SASH1: variants seen among roughly 807,000 people sequenced by gnomAD.
The protein encoded by SASH1 is SAM and SH3 domain containing 1.
SASH1 carries 44 observed loss-of-function variants against 125.2 expected under a neutral mutation model. The ratio of observed to expected loss-of-function variants is 0.35; its 90% CI spans 0.28 to 0.45. The LOEUF is 0.45. Among genes scored for constraint, SASH1 ranks in the 20% least tolerant of loss-of-function variants. The pLI, the probability that SASH1 is intolerant of heterozygous loss-of-function variation, is 1.00. For synonymous variants in SASH1, 639 were observed against 649.1 expected (o/e 0.98, Z 0.24); for missense variants, 1,426 against 1,614.5 (o/e 0.88, Z 2.00).
chr6:148,524,121 A>ATATATATATTTT (rs1193506716), intron 10 of SASH1, among the ~76,000 whole-genome samples: 39 of 128,588 alleles, frequency 3.0e-4, no homozygotes, highest in Admixed American at 6.3e-4. Context: ...ATATATATAT[A>ATATATATATTTT]TTTTTTTTAA....
At chr6:148,292,122 A>G (rs1779651307) in intron 1 of SASH1, among the ~76,000 whole-genome samples, 1 of 152,218 alleles carries the variant, frequency 6.6e-6, no homozygotes, top group South Asian at 2.1e-4. Context: ...TTTCAGGGTT[A>G]CTTGAGATTA....
intron 1 of SASH1, among the ~76,000 whole-genome samples, chr6:148,311,274 T>G (rs1179739464): frequency 6.6e-6 from 1 of 151,764 alleles, no homozygotes; most frequent in African/African-American, 2.4e-5. Context: ...GCCCAGCTAA[T>G]TTTTTTATTT....
chr6:148,311,315 C>G (rs1780324167), intron 1 of SASH1, among the ~76,000 whole-genome samples: 1 of 151,668 alleles, frequency 6.6e-6, no homozygotes, highest in Admixed American at 6.6e-5. Context: ...CCATGTTGGC[C>G]AGGCTCATCT....
intron 1 of SASH1, among the ~76,000 whole-genome samples, chr6:148,368,630 C>G (rs139563211): frequency 8.7e-4 from 132 of 152,266 alleles, no homozygotes; most frequent in African/African-American, 3.0e-3. Flanking sequence ...CTTTGATGTC[C>G]TCATTGGTGT....
chr6:148,407,852 CA>C (rs1373932453), intron 2 of SASH1, among the ~76,000 whole-genome samples: 1 of 151,982 alleles, frequency 6.6e-6, no homozygotes, highest in African/African-American at 2.4e-5. Flanking sequence ...AGGCTGGTCT[CA>C]AACTCCTGAC....
At position 148,363,919 on chromosome 6, in the gene SASH1, GACA is replaced by G. The variant is rs200465096; in HGVS notation, c.156+20697_156+20699del. Among the ~76,000 whole-genome samples, 1,259 of 152,142 alleles carry G rather than the reference GACA, an allele frequency of 8.3e-3. 17 individuals are homozygous for G. Among genetic ancestry groups the G allele is most frequent in the African/African-American group, 0.028 (1,167 of 41,486 alleles). ...TTTATTCCCTGTGGATTCTATAATG[GACA>G]TTTTAATTAAACTCTAATGGGACAT... On this transcript the variant is annotated intron_variant, in intron 1 of 19. Coordinates refer to ENST00000367467, the MANE Select transcript of SASH1 (RefSeq NM_015278.5).
At chr6:148,245,364 G>A in the SASH1 span, among the ~76,000 whole-genome samples, 6 of 152,316 alleles carry the variant, frequency 3.9e-5, no homozygotes, top group East Asian at 1.2e-3. Context: ...TCATTATGCT[G>A]CAATTGAAAA....
intron 2 of SASH1, among the ~76,000 whole-genome samples, chr6:148,427,577 T>C (rs1775880816): frequency 6.6e-6 from 1 of 152,180 alleles, no homozygotes. Flanking sequence ...TTGGTAAAGT[T>C]GTAGCTTAAA....
the SASH1 span, among the ~76,000 whole-genome samples, chr6:148,254,063 G>A: frequency 6.6e-6 from 1 of 151,584 alleles, no homozygotes; most frequent in Non-Finnish European, 1.5e-5. Flanking sequence ...AAAATTAACT[G>A]GGCATTGGTG....
At chr6:148,256,127 T>C in the SASH1 span, among the ~76,000 whole-genome samples, 6 of 152,230 alleles carry the variant, frequency 3.9e-5, no homozygotes, top group South Asian at 8.3e-4. Context: ...GTTGGTCCCA[T>C]AGAAAATTTC....
chr6:148,351,385 G>C (rs910306018), intron 1 of SASH1, among the ~76,000 whole-genome samples: 1 of 151,898 alleles, frequency 6.6e-6, no homozygotes, highest in African/African-American at 2.4e-5. Flanking sequence ...TTCTCCTTGG[G>C]TGTCTGATGC....
intron 6 of SASH1, 111 bp downstream of exon 6, chr6:148,471,614 C>T: frequency 1.5e-6 from 1 of 672,794 alleles, no homozygotes; most frequent in South Asian, 1.8e-5. Flanking sequence ...ACCGCATGTG[C>T]CCATAAGATG....
chr6:148,421,161 G>GGAAGA (rs1562396462), intron 2 of SASH1, among the ~76,000 whole-genome samples: 1 of 100,722 alleles, frequency 9.9e-6, no homozygotes, highest in Non-Finnish European at 2.2e-5. Flanking sequence ...AAGAAAGAAA[G>GGAAGA]AAAGAAAGAA....
chr6:148,464,518 A>G (rs1777750583), intron 4 of SASH1, among the ~76,000 whole-genome samples: 1 of 152,116 alleles, frequency 6.6e-6, no homozygotes, highest in South Asian at 2.1e-4. Flanking sequence ...AGGTACTACT[A>G]CCAGGAGGCC....
intron 8 of SASH1, among the ~76,000 whole-genome samples, chr6:148,496,367 C>T (rs1443972696): frequency 6.6e-6 from 1 of 152,150 alleles, no homozygotes. Flanking sequence ...TAATAGTTGT[C>T]TTAGGCTCAT....
intron 1 of SASH1, among the ~76,000 whole-genome samples, chr6:148,347,271 G>A (rs557307516): frequency 1.3e-5 from 2 of 152,238 alleles, no homozygotes; most frequent in African/African-American, 2.4e-5. Context: ...GCAGGATCCT[G>A]CAAGATGCAC....
chr6:148,231,701 G>A, the SASH1 span, among the ~76,000 whole-genome samples: 2 of 152,014 alleles, frequency 1.3e-5, no homozygotes, highest in African/African-American at 4.8e-5. Context: ...ATAGAAAGGT[G>A]AACATAAGCT....
rs558571990 is a variant in SASH1 at position 148,382,068 on chromosome 6, G to A, written c.157-8066G>A. On this transcript the variant is annotated intron_variant, in intron 1 of 19. Transcript: ENST00000367467. ...CTTTCTGGTATGGTTCTGGGTTAGC[G>A]ACCTTTACAAAAGACACCTTGTGTG... Among the ~76,000 whole-genome samples, 6 of 152,266 alleles carry A rather than the reference G, an allele frequency of 3.9e-5. No individual in the cohort carries two copies. The South Asian group carries it at 1.2e-3, about 32-fold the overall frequency.
At chr6:148,539,506 C>G (rs1026027758) in intron 16 of SASH1, among the ~76,000 whole-genome samples, 3 of 152,170 alleles carry the variant, frequency 2.0e-5, no homozygotes, top group African/African-American at 7.2e-5. Flanking sequence ...GCCTCCAGGT[C>G]CATCCAAATT....
Sources: gnomAD v4.1 joint callset for allele counts (sites outside exome capture counted in the v4.1 genomes callset) on GRCh38, gnomAD v4.1.1 for gene constraint, MANE v1.5 for transcripts, NCBI Gene and HGNC (gene_info 2026-07-23, HGNC 2026-07-21) for gene names.